The following ASIP variants were observed in gnomAD, a reference collection of about 807,000 sequenced individuals.
ASIP encodes the protein agouti signaling protein.
ASIP carries 11 observed loss-of-function variants against 10.3 expected under a neutral mutation model. The observed-to-expected ratio is 1.07, with a 90% CI of 0.68 to 1.78. ASIP has a LOEUF of 1.78. ASIP is among the 40% of genes most tolerant of loss of function. The pLI, the probability that ASIP is intolerant of heterozygous loss-of-function variation, is 0.00. For missense variants in ASIP, 180 were observed against 169.2 expected (o/e 1.06, Z -0.35); for synonymous variants, 70 against 70.8 (o/e 0.99, Z 0.06).
At chr20:34,268,854 CG>C in intron 3 of ASIP, 136 bp from the exon 4 acceptor site, 3 of 1,040,642 alleles carry the variant, frequency 2.9e-6, no homozygotes, top group Non-Finnish European at 4.2e-6. Flanking sequence ...ACTGGGGGAG[CG>C]GGCGGTGGGC....
At chr20:34,244,695 ATGTCAAAGAAGTGGC>A (rs1439606833) in intron 1 of ASIP, among the ~76,000 whole-genome samples, 2 of 152,192 alleles carry the variant, frequency 1.3e-5, no homozygotes, top group Non-Finnish European at 2.9e-5. Context: ...ATGTCTTCTA[ATGTCAAAGAAGTGGC>A]TTACTGTTTC....
rs571310682 is a variant in ASIP, at chr20:34,248,640, T to TA, written c.-11+7158dup. ...CAACATTGTGAGACCTCACCTCTACTAAAAAAATAATTGGCCTGGTGTGGT... is the reference window on the plus strand; with the variant it reads ...CAACATTGTGAGACCTCACCTCTACTAAAAAAAATAATTGGCCTGGTGTGGT... On this transcript the variant is annotated intron_variant, in intron 1 of 3. Transcript: ENST00000374954. Among the ~76,000 whole-genome samples the TA allele has an allele frequency of 1.3e-3, 204 of 151,632 alleles. 1 individual carries two copies. The highest frequency in any genetic ancestry group is 4.7e-3 in the African/African-American group (196 of 41,350).
chr20:34,217,643 C>A (rs940925236), intron 1 of ASIP, among the ~76,000 whole-genome samples: 1 of 151,878 alleles, frequency 6.6e-6, no homozygotes, highest in African/African-American at 2.4e-5. Context: ...CTCACTGCAA[C>A]CTCCGCCTCT....
chr20:34,223,401 C>T (rs1033548806), intron 1 of ASIP, among the ~76,000 whole-genome samples: 1 of 151,214 alleles, frequency 6.6e-6, no homozygotes, highest in Non-Finnish European at 1.5e-5. Context: ...GCAACCGCCC[C>T]GTCTGAGAAG....
At chr20:34,223,245 A>C in intron 1 of ASIP, among the ~76,000 whole-genome samples, 3 of 117,422 alleles carry the variant, frequency 2.6e-5, no homozygotes, top group South Asian at 3.0e-4. Flanking sequence ...CCGGCCGCCC[A>C]TCGTCTGAGA....
At chr20:34,190,532 TC>T (rs2034818528), upstream of ASIP, among the ~76,000 whole-genome samples, 7 of 152,196 alleles carry the variant, frequency 4.6e-5, no homozygotes, top group Non-Finnish European at 1.0e-4. Flanking sequence ...TAGATCTCTC[TC>T]CTGACCTTTA....
intron 1 of ASIP, among the ~76,000 whole-genome samples, chr20:34,222,528 T>A (rs575939268): frequency 6.6e-6 from 1 of 152,130 alleles, no homozygotes; most frequent in African/African-American, 2.4e-5. Flanking sequence ...AAATATATAT[T>A]TTTTTCAGGC....
intron 1 of ASIP, among the ~76,000 whole-genome samples, chr20:34,219,804 C>T (rs905654940): frequency 6.6e-6 from 1 of 152,132 alleles, no homozygotes; most frequent in African/African-American, 2.4e-5. Flanking sequence ...AAATACAAAA[C>T]ATGTGCTGGG....
rs971618277 is a variant in ASIP at position 34,241,484 on chromosome 20, A to C, written c.-16A>C. 127 of 985,338 alleles carry C rather than the reference A, an allele frequency of 1.3e-4. 1 individual carries two copies. The highest frequency in any genetic ancestry group is 1.5e-4 in the Non-Finnish European group (121 of 829,942). 61.0% of individuals were successfully genotyped at this position (985,338 alleles called of 1,614,324 possible). A position where few individuals can be genotyped will look rare whatever the true frequency, so the allele number is the denominator to read the frequency against. Reference sequence around the variant, plus strand: ...TCCTTGGCCTGGGCTCTTTGCGGGAAAGCATGTGAGTTTAGATGGCAACTT... The same window carrying C: ...TCCTTGGCCTGGGCTCTTTGCGGGACAGCATGTGAGTTTAGATGGCAACTT... On this transcript the variant is annotated 5_prime_UTR_variant, in exon 1 of 4. Coordinates refer to ENST00000374954, the MANE Select transcript of ASIP (RefSeq NM_001672.3).
chr20:34,269,279 C>A lies in ASIP; in HGVS notation c.*112C>A. The A allele has an allele frequency of 7.6e-7, 1 of 1,317,476 alleles. No individual in the cohort carries two copies. 81.6% of individuals were successfully genotyped at this position (1,317,476 alleles called of 1,614,324 possible). A position where few individuals can be genotyped will look rare whatever the true frequency, so the allele number is the denominator to read the frequency against. ...CAGGGCTGCAGGCGGGCGGAGGTTC[C>A]AGGAGATGGGACTTCAGGGAGACCT... On this transcript the variant is annotated 3_prime_UTR_variant, in exon 4 of 4. Transcript: ENST00000374954.
chr20:34,268,190 A>AGT (rs1380759682), intron 3 of ASIP, among the ~76,000 whole-genome samples: 8 of 152,226 alleles, frequency 5.3e-5, no homozygotes, highest in Admixed American at 2.6e-4. Flanking sequence ...ACAGATGACC[A>AGT]GTGGCTACCT....
intron 2 of ASIP, among the ~76,000 whole-genome samples, chr20:34,261,496 T>C (rs1047865018): frequency 6.6e-6 from 1 of 152,132 alleles, no homozygotes; most frequent in Non-Finnish European, 1.5e-5. Context: ...TAACCAGGCA[T>C]GGTAGCATGC....
chr20:34,196,891 G>A (rs967416802), intron 1 of ASIP, among the ~76,000 whole-genome samples: 6 of 151,984 alleles, frequency 3.9e-5, no homozygotes, highest in Non-Finnish European at 7.4e-5. Flanking sequence ...CACCAGTTCC[G>A]TCTCCATCTG....
chr20:34,244,868 TA>T (rs1476423638), intron 1 of ASIP, among the ~76,000 whole-genome samples: 14 of 152,216 alleles, frequency 9.2e-5, no homozygotes, highest in Non-Finnish European at 1.5e-5. Context: ...ACAAATTTAT[TA>T]GATTCACACC....
At chr20:34,236,066 GAAAGAA>G (rs1425919566) in intron 1 of ASIP, among the ~76,000 whole-genome samples, 1 of 138,358 alleles carries the variant, frequency 7.2e-6, no homozygotes, top group Non-Finnish European at 1.5e-5. Context: ...AGGAGAGAGA[GAAAGAA>G]AGAGAAAGAG....
chr20:34,194,604 A>G (rs148406143), exon 1 of ASIP: 45 of 152,056 alleles, frequency 3.0e-4, no homozygotes, highest in African/African-American at 1.0e-3. Context: ...GAAATTTTGC[A>G]GACCCACCAG....
intron 1 of ASIP, among the ~76,000 whole-genome samples, chr20:34,253,403 G>T (rs1156816142): frequency 2.0e-5 from 3 of 151,312 alleles, no homozygotes; most frequent in Non-Finnish European, 4.4e-5. Context: ...ACCGCGCCCA[G>T]CCTGATCTCT....
At position 34,228,259 on chromosome 20, in the gene ASIP, T is replaced by A. The variant is rs1198834489; in HGVS notation, c.-10-32106T>A. Among the ~76,000 whole-genome samples, 6 of 3,656 alleles carry A rather than the reference T, an allele frequency of 1.6e-3. 2 individuals carry two copies. The highest frequency in any genetic ancestry group is 1.9e-3 in the Non-Finnish European group (6 of 3,152). 2.4% of individuals were successfully genotyped at this position (3,656 alleles called of 152,430 possible). On this transcript the variant is annotated intron_variant, in intron 1 of 3. Transcript: ENST00000568305. ...AAACTACTTTATTTTTTATTTATTT[T>A]TTTTTTGAACATATGTATTTGTCAA... is the stretch of plus-strand genomic sequence containing the variant.
chr20:34,241,140 G>A (rs187096912), upstream of ASIP, among the ~76,000 whole-genome samples: 19 of 152,238 alleles, frequency 1.2e-4, no homozygotes, highest in Admixed American at 7.2e-4. Flanking sequence ...TTCTTCTGCC[G>A]CCTATAGAGA....
Sources: allele counts gnomAD v4.1 joint callset (sites outside exome capture counted in the v4.1 genomes callset), GRCh38; gene constraint gnomAD v4.1.1; transcripts MANE v1.5; gene names NCBI Gene and HGNC (gene_info 2026-07-23, HGNC 2026-07-21).